The following PIK3R6 variants were observed in gnomAD, a reference collection of about 807,000 sequenced individuals.
PIK3R6 encodes the protein phosphoinositide-3-kinase regulatory subunit 6.
Under a neutral mutation model 84.9 loss-of-function variants are expected in PIK3R6, and 91 were observed. That is an observed-to-expected ratio of 1.07 (90% CI 0.90 to 1.28). The LOEUF (loss-of-function observed/expected upper bound fraction) is 1.28. PIK3R6 is among the 50% of genes most tolerant of loss of function. PIK3R6 has a pLI of 0.00. For missense variants in PIK3R6, 996 were observed against 985.1 expected, an observed-to-expected ratio of 1.01 and a Z score of -0.15; for synonymous variants, 416 against 411.4, an observed-to-expected ratio of 1.01 and a Z score of -0.13.
chr17:8,829,204 CACACACACAG>C (rs1480162954), intron 10 of PIK3R6, among the ~76,000 whole-genome samples: 1 of 128,024 alleles, frequency 7.8e-6, no homozygotes, highest in African/African-American at 3.2e-5. Context: ...CACACACGTG[CACACACACAG>C]ACACACACAC....
rs186372658 is a variant in PIK3R6, at chr17:8,840,442, C to T, written c.14-745G>A. ...AATATGTATATGAAATATATATAGC[C>T]TCCAAATATATATATATGAAATATA... On this transcript the variant is annotated intron_variant, in intron 2 of 19. Transcript: ENST00000619866. Among the ~76,000 whole-genome samples the T allele has an allele frequency of 4.0e-3, 541 of 136,190 alleles. 1 individual carries two copies. Among genetic ancestry groups the T allele is most frequent in the African/African-American group, 0.015 (516 of 34,468 alleles). 89.3% of individuals were successfully genotyped at this position (136,190 alleles called of 152,430 possible). A position where few individuals can be genotyped will look rare whatever the true frequency, so the allele number is the denominator to read the frequency against.
intron 4 of PIK3R6, chr17:8,838,251 A>C: frequency 2.3e-6 from 1 of 432,596 alleles, no homozygotes; most frequent in Non-Finnish European, 4.2e-6. Flanking sequence ...GCCCGAGGAT[A>C]ATTTTGAGAA....
intron 14 of PIK3R6, 136 bp downstream of exon 14, chr17:8,823,251 A>G: frequency 1.2e-6 from 1 of 804,910 alleles, no homozygotes; most frequent in Non-Finnish European, 2.0e-6. Flanking sequence ...TTTAGAGATG[A>G]AGAAGGTAAC....
Position 8,839,839 on chromosome 17 carries a change from G to T in PIK3R6, c.14-142C>A. On this transcript the variant is annotated intron_variant, in intron 2 of 19. Transcript: ENST00000619866. The surrounding 1 kb of genome is among the most constrained non-coding windows in gnomAD (Gnocchi z 4.2). The stretch of plus-strand genomic sequence containing the variant: ...GTAATCGACTTAGAGCTGGCAGCCA[G>T]CATGCCAGCCAGGGCTGGAATATAG... 3.2e-6 allele frequency: 2 copies of T among 626,670 alleles called. No individual in the cohort carries two copies. The highest frequency in any genetic ancestry group is 5.4e-6 in the Non-Finnish European group (2 of 371,732). 38.8% of individuals were successfully genotyped at this position (626,670 alleles called of 1,614,324 possible).
chr17:8,835,210 A>G, intron 8 of PIK3R6, 63 bp downstream of exon 8: 2 of 1,349,500 alleles, frequency 1.5e-6, no homozygotes, highest in South Asian at 1.7e-5. Context: ...AGGGTGAATG[A>G]CTGGTATGGG....
chr17:8,843,523 G>A (rs979304384), intron 2 of PIK3R6, among the ~76,000 whole-genome samples: 13 of 151,990 alleles, frequency 8.6e-5, no homozygotes, highest in African/African-American at 2.9e-4. Context: ...AGTAGCCCTG[G>A]GAGACCACTT....
chr17:8,803,550 C>T lies in PIK3R6; in HGVS notation c.2109-121G>A, dbSNP rs1449197873. ...CTGTTATTGTAGGGCATAGAGGAGG[C>T]GGCTACACAGAAGAAAGAGGAAGAG... is the stretch of plus-strand genomic sequence containing the variant. On this transcript the variant is annotated intron_variant, in intron 19 of 19. Transcript: ENST00000619866. The surrounding 1 kb of genome is among the most constrained non-coding windows in gnomAD (Gnocchi z 5.0). The T allele has an allele frequency of 6.7e-5, 67 of 1,001,058 alleles. 3 individuals carry two copies. In the Admixed American group the frequency reaches 1.6e-3, roughly 24 times the overall value. 62.0% of individuals were successfully genotyped at this position (1,001,058 alleles called of 1,614,324 possible).
chr17:8,836,989 T>A (rs1597415005), intron 5 of PIK3R6, 66 bp from the exon 6 acceptor site: 2 of 615,374 alleles, frequency 3.3e-6, no homozygotes, highest in South Asian at 4.3e-5. Context: ...GAGGGGGAGG[T>A]GAAGGGTCCC....
chr17:8,812,134 C>T lies in PIK3R6; in HGVS notation c.1995+6949G>A, dbSNP rs569930375. On this transcript the variant is annotated intron_variant, in intron 18 of 19. Coordinates refer to ENST00000619866, the MANE Select transcript of PIK3R6 (RefSeq NM_001010855.4). ...TTGTGCAGGGAAACTCCTTCTTATA[C>T]CACCATCAGATCTTGTGAGACTTAT... 1.1e-3 allele frequency among the ~76,000 whole-genome samples: 173 copies of T among 152,264 alleles called. 2 individuals carry two copies. The highest frequency in any genetic ancestry group is 3.8e-3 in the African/African-American group (158 of 41,552).
chr17:8,852,703 C>T (rs555105055), intron 1 of PIK3R6, among the ~76,000 whole-genome samples: 1 of 149,458 alleles, frequency 6.7e-6, no homozygotes, highest in Non-Finnish European at 1.5e-5. Flanking sequence ...GTCGCTACTG[C>T]ACTCCAGCCT....
At chr17:8,807,580 G>A (rs974473767) in intron 18 of PIK3R6, among the ~76,000 whole-genome samples, 11 of 152,142 alleles carry the variant, frequency 7.2e-5, no homozygotes, top group African/African-American at 2.7e-4. Flanking sequence ...TGTAGGATGA[G>A]TAGAAATTAT....
Position 8,838,501 on chromosome 17 carries a change from C to T in PIK3R6, c.189+63G>A, listed in dbSNP as rs754273771. On this transcript the variant is annotated intron_variant, in intron 4 of 19. Transcript: ENST00000619866. ...ATATAGCGCTGCCAGGACTGAGCCC[C>T]TGCCCAATTGGCCCCTCTCTTCCTT... The T allele has an allele frequency of 1.0e-5, 15 of 1,477,032 alleles. No homozygotes were observed. In the African/African-American group the frequency reaches 1.4e-4, roughly 14 times the overall value. The allele number at this position is 1,477,032 out of a possible 1,614,324, so 91.5% of individuals were successfully genotyped here.
At chr17:8,838,391 C>T (rs557209113) in intron 4 of PIK3R6, 173 bp downstream of exon 4, 18 of 567,918 alleles carry the variant, frequency 3.2e-5, no homozygotes, top group South Asian at 1.8e-4. Flanking sequence ...CAATGAGAGT[C>T]GACGTAAAGA....
intron 15 of PIK3R6, 57 bp downstream of exon 15, chr17:8,822,937 TGA>T: frequency 7.4e-7 from 1 of 1,354,216 alleles, no homozygotes. Flanking sequence ...GGTGGAAGGA[TGA>T]GAGTTTGGAG....
At chr17:8,861,083 G>A (rs1364010357) in intron 1 of PIK3R6, among the ~76,000 whole-genome samples, 1 of 151,660 alleles carries the variant, frequency 6.6e-6, no homozygotes, top group African/African-American at 2.4e-5. Flanking sequence ...TCAGGAGGCT[G>A]AGGCAGGAGA....
At chr17:8,856,063 G>A (rs1050855097) in intron 1 of PIK3R6, among the ~76,000 whole-genome samples, 2 of 152,148 alleles carry the variant, frequency 1.3e-5, no homozygotes, top group African/African-American at 4.8e-5. Flanking sequence ...GCAGCCAGGC[G>A]CTAAATCCTG....
At position 8,803,478 on chromosome 17, in the gene PIK3R6, T is replaced by G; in HGVS notation, c.2109-49A>C. ...CAGGTGACCCATCTGAGGGATCAGA[T>G]TGCCTAGGGCATTTGAAAGGCAGAG... On this transcript the variant is annotated intron_variant, in intron 19 of 19. Transcript: ENST00000619866. The surrounding 1 kb of genome is among the most constrained non-coding windows in gnomAD (Gnocchi z 5.0). 2 of 1,543,452 alleles carry G rather than the reference T, an allele frequency of 1.3e-6. No individual in the cohort carries two copies. The highest frequency in any genetic ancestry group is 1.8e-6 in the Non-Finnish European group (2 of 1,142,438).
At position 8,839,834 on chromosome 17, in the gene PIK3R6, A is replaced by ATGCTGGCT; in HGVS notation, c.14-138_14-137insAGCCAGCA. 2 of 650,440 alleles carry ATGCTGGCT rather than the reference A, an allele frequency of 3.1e-6. No individual in the cohort carries two copies. Among genetic ancestry groups the ATGCTGGCT allele is most frequent in the Non-Finnish European group, 5.1e-6 (2 of 391,824 alleles). 40.3% of individuals were successfully genotyped at this position (650,440 alleles called of 1,614,324 possible). A position where few individuals can be genotyped will look rare whatever the true frequency, so the allele number is the denominator to read the frequency against. ...CCGAAGTAATCGACTTAGAGCTGGC[A>ATGCTGGCT]GCCAGCATGCCAGCCAGGGCTGGAA... On this transcript the variant is annotated intron_variant, in intron 2 of 19. Transcript: ENST00000619866. This position sits in a 1 kb window ranked among gnomAD's most constrained non-coding sequence, Gnocchi z 4.2.
intron 1 of PIK3R6, among the ~76,000 whole-genome samples, chr17:8,863,940 C>G (rs2089342866): frequency 6.6e-6 from 1 of 152,188 alleles, no homozygotes; most frequent in Non-Finnish European, 1.5e-5. Flanking sequence ...GAAGAACGCT[C>G]TAAGCAAAGA....
Sources: allele counts gnomAD v4.1 joint callset (sites outside exome capture counted in the v4.1 genomes callset), GRCh38; gene constraint gnomAD v4.1.1; non-coding constraint Gnocchi (gnomAD v3.1); transcripts MANE v1.5; gene names NCBI Gene and HGNC (gene_info 2026-07-23, HGNC 2026-07-21).